Variants in ACAN observed in about 807,000 individuals in gnomAD.
ACAN encodes the protein aggrecan, also known as aggrecan core protein.
ACAN carries 47 observed loss-of-function variants against 169.1 expected under a neutral mutation model. That is an observed-to-expected ratio of 0.28 (90% CI 0.22 to 0.35). ACAN has a LOEUF of 0.35. Ranked by LOEUF, ACAN falls within the 10% of genes least tolerant of loss-of-function variation. ACAN has a pLI of 1.00. For missense variants in ACAN, 2,716 were observed against 2,759.9 expected (o/e 0.98, Z 0.36); for synonymous variants, 1,115 against 1,112.2 (o/e 1.00, Z -0.05).
chr15:88,835,402 C>T (rs531505233), intron 1 of ACAN, among the ~76,000 whole-genome samples: 8 of 152,148 alleles, frequency 5.3e-5, no homozygotes, highest in African/African-American at 1.7e-4. Flanking sequence ...CACAGACACA[C>T]ACATACACAC....
At chr15:88,830,910 C>T (rs1242198193) in intron 1 of ACAN, among the ~76,000 whole-genome samples, 5 of 152,102 alleles carry the variant, frequency 3.3e-5, no homozygotes, top group African/African-American at 4.8e-5. Context: ...AGGTGATCGG[C>T]GTTTGTCAGC....
At chr15:88,853,875 A>T (rs1896989653) in intron 11 of ACAN, among the ~76,000 whole-genome samples, 3 of 144,698 alleles carry the variant, frequency 2.1e-5, no homozygotes, top group African/African-American at 5.2e-5. Context: ...CACCACTGCT[A>T]TGCTTCATGC....
chr15:88,839,910 C>G lies in ACAN; in HGVS notation c.455-102C>G. 1 of 1,409,424 alleles carries G rather than the reference C, an allele frequency of 7.1e-7. No individual in the cohort carries two copies. Among genetic ancestry groups the G allele is most frequent in the Non-Finnish European group, 9.7e-7 (1 of 1,034,716 alleles). 87.3% of individuals were successfully genotyped at this position (1,409,424 alleles called of 1,614,324 possible). A position where few individuals can be genotyped will look rare whatever the true frequency, so the allele number is the denominator to read the frequency against. On this transcript the variant is annotated intron_variant, in intron 3 of 18. Transcript: ENST00000560601. The surrounding 1 kb of genome is among the most constrained non-coding windows in gnomAD (Gnocchi z 4.5). ...GCATCAGCCCAGACCAGCCAGTTCC[C>G]TAAGGTCCCTTTGACTATTGCCATA...
chr15:88,851,373 A>G lies in ACAN; in HGVS notation c.2027-421A>G. The G allele has an allele frequency of 6.1e-6, 1 of 162,714 alleles. No homozygotes were observed. Among genetic ancestry groups the G allele is most frequent in the Non-Finnish European group, 1.3e-5 (1 of 74,738 alleles). The allele number at this position is 162,714 out of a possible 1,614,324, so 10.1% of individuals were successfully genotyped here. ...AGTTGAGAGCGTGGAGTCTGGTACCAGATGCTTAAATTCAAAGACTAGATC... is the reference window on the plus strand; with the variant it reads ...AGTTGAGAGCGTGGAGTCTGGTACCGGATGCTTAAATTCAAAGACTAGATC... On this transcript the variant is annotated intron_variant, in intron 10 of 18. Coordinates refer to ENST00000560601, the MANE Select transcript of ACAN (RefSeq NM_001369268.1). The surrounding 1 kb of genome is among the most constrained non-coding windows in gnomAD (Gnocchi z 4.3).
intron 9 of ACAN, among the ~76,000 whole-genome samples, chr15:88,848,897 G>A (rs1896859532): frequency 6.6e-6 from 1 of 152,234 alleles, no homozygotes; most frequent in Admixed American, 6.5e-5. Flanking sequence ...ACAAGTAGGT[G>A]TTCAGTAAGT....
intron 6 of ACAN, among the ~76,000 whole-genome samples, chr15:88,844,024 G>A (rs904010497): frequency 6.6e-6 from 1 of 152,214 alleles, no homozygotes; most frequent in Non-Finnish European, 1.5e-5. Flanking sequence ...CGCCTGCAAA[G>A]ACGTTGGGGG....
Position 88,843,641 on chromosome 15 carries a change from C to T in ACAN, c.1044C>T (p.Cys348=), listed in dbSNP as rs759457761. The T allele has an allele frequency of 1.2e-5, 19 of 1,576,084 alleles. No individual in the cohort carries two copies. Among genetic ancestry groups the T allele is most frequent in the Non-Finnish European group, 1.6e-5 (19 of 1,153,570 alleles). The change falls in exon 6 of 19, where the codon TGC becomes TGT. Residue 348 remains cysteine (C), a synonymous_variant. Transcript: ENST00000560601. The surrounding 1 kb of genome is among the most constrained non-coding windows in gnomAD (Gnocchi z 4.0). ...CCTCATCCCGCTACGACGCCATCTG[C>T]TACACAGGTGGGGCACGGCTGGTGG... ...PDPSSRYDAI[C]YTGEDFVDIP...
At chr15:88,823,173 G>A (rs1267652749) in intron 1 of ACAN, among the ~76,000 whole-genome samples, 2 of 152,200 alleles carry the variant, frequency 1.3e-5, no homozygotes, top group Admixed American at 6.5e-5. Context: ...TGTCCTGCAG[G>A]GTTGGCAGTC....
intron 4 of ACAN, among the ~76,000 whole-genome samples, chr15:88,841,021 T>C (rs1201999442): frequency 1.3e-5 from 2 of 152,188 alleles, no homozygotes. Flanking sequence ...GGTGGGCTCC[T>C]GTAGTCCCAG....
chr15:88,845,669 G>A lies in ACAN; in HGVS notation c.1216G>A (p.Glu406Lys), dbSNP rs774443075. 4.6e-5 allele frequency: 75 copies of A among 1,614,034 alleles called. No homozygotes were observed. In the East Asian group the frequency reaches 1.3e-3, roughly 27 times the overall value. ...GATCCTTACCGTAAAGCCCATCTTC[G>A]AGGTCTCCCCCAGTCCCCTGGAACC... ...SVILTVKPIF[E>K]VSPSPLEPEE... is the part of the protein sequence containing the mutation. Residue 406 changes from glutamate (E) to lysine (K), a missense_variant, in exon 7 of 19, where the codon GAG (glutamate) becomes AAG (lysine). Glu to Lys is a moderately conservative substitution (Grantham distance 56, BLOSUM62 1). This residue lies in a region of ACAN where 1,283 missense variants were observed against 1,281.5 expected (regional missense o/e 1.00). Transcript: ENST00000560601.
chr15:88,809,381 C>G (rs1398967494), intron 1 of ACAN, among the ~76,000 whole-genome samples: 1 of 152,124 alleles, frequency 6.6e-6, no homozygotes, highest in African/African-American at 2.4e-5. Context: ...GCCTCAGGTT[C>G]TTTATTTATA....
intron 1 of ACAN, among the ~76,000 whole-genome samples, chr15:88,817,218 T>G (rs953700987): frequency 1.3e-5 from 2 of 152,216 alleles, no homozygotes; most frequent in Non-Finnish European, 2.9e-5. Context: ...CTTGGCTCGC[T>G]GCAACCTCTG....
In ACAN at chr15:88,859,024, C is replaced by G; in HGVS notation, c.6439C>G (p.Leu2147Val). The G allele has an allele frequency of 1.2e-6, 2 of 1,613,954 alleles. No individual in the cohort carries two copies. The highest frequency in any genetic ancestry group is 1.7e-6 in the Non-Finnish European group (2 of 1,179,896). ...AGCTAACCTTGAGAGATCCTCTGGC[C>G]TAGGAGTGAGCGGCAGCACTTTGAC... ...HEANLERSSG[L>V]GVSGSTLTFQ... The change falls in exon 12 of 19, where the codon CTA (leucine) becomes GTA (valine). Residue 2147 changes from leucine (L) to valine (V), a missense_variant. This residue lies in a region of ACAN where 1,389 missense variants were observed against 1,363.7 expected (regional missense o/e 1.02). Transcript: ENST00000560601.
Position 88,872,217 on chromosome 15 carries a change from A to G in ACAN, c.7302+132A>G. On this transcript the variant is annotated intron_variant, in intron 16 of 18. Transcript: ENST00000560601. This position sits in a 1 kb window ranked among gnomAD's most constrained non-coding sequence, Gnocchi z 5.4. ...TGCTGGACCGGGAACCCTTGAGGGC[A>G]GGGATTATCTCCTTCATCTCTGCCT... 1 of 749,416 alleles carries G rather than the reference A, an allele frequency of 1.3e-6. No individual in the cohort carries two copies. The highest frequency in any genetic ancestry group is 1.7e-5 in the South Asian group (1 of 60,128). The allele number at this position is 749,416 out of a possible 1,614,324, so 46.4% of individuals were successfully genotyped here. A position where few individuals can be genotyped will look rare whatever the true frequency, so the allele number is the denominator to read the frequency against.
At chr15:88,834,353 G>A (rs1022306024) in intron 1 of ACAN, among the ~76,000 whole-genome samples, 6 of 152,174 alleles carry the variant, frequency 3.9e-5, no homozygotes, top group South Asian at 2.1e-4. Flanking sequence ...AGGGTCACTC[G>A]GAGTCCTGGG....
In ACAN at chr15:88,859,067, C is replaced by T. The variant is rs764318576; in HGVS notation, c.6482C>T (p.Ala2161Val). The T allele has an allele frequency of 1.1e-5, 18 of 1,613,810 alleles. No homozygotes were observed. The highest frequency in any genetic ancestry group is 6.7e-5 in the Admixed American group (4 of 60,004). ...ACTTTGACATTTCAAGAAGGCGAGG[C>T]GTCCGCTGCCCCAGAAGTGAGTGGA... ...GSTLTFQEGEASAAPEVSGES... is the reference protein window; with the variant it reads ...GSTLTFQEGEVSAAPEVSGES... Residue 2161 changes from alanine to valine, a missense_variant, in exon 12 of 19, where the codon GCG becomes GTG. Ala to Val is a moderately conservative substitution (Grantham distance 64, BLOSUM62 0). Around this residue, in one of 3 missense-constraint regions of ACAN, gnomAD observed 1,389 missense variants for 1,363.7 expected, o/e 1.02. Transcript: ENST00000560601.
rs567598574 is a variant in ACAN at position 88,857,349 on chromosome 15, G to A, written c.4764G>A (p.Gly1588=). 11 of 1,613,970 alleles carry A rather than the reference G, an allele frequency of 6.8e-6. No homozygotes were observed. The East Asian group carries it at 2.2e-4, about 33-fold the overall frequency. ...TSASGAEDLS[G]LPSGKEDLVG... is the part of the protein sequence containing the mutation. The stretch of plus-strand genomic sequence containing the variant: ...CTTCTGGAGCTGAGGACCTCAGTGG[G>A]TTGCCTTCTGGAAAAGAAGACTTGG... The change falls in exon 12 of 19, where the codon GGG becomes GGA. Residue 1588 remains glycine, a synonymous_variant. Coordinates refer to ENST00000560601, the MANE Select transcript of ACAN (RefSeq NM_001369268.1).
intron 1 of ACAN, among the ~76,000 whole-genome samples, chr15:88,805,215 G>T (rs1227445678): frequency 6.6e-6 from 1 of 152,146 alleles, no homozygotes; most frequent in African/African-American, 2.4e-5. Flanking sequence ...GGCAAGGTGG[G>T]TTTGGAGGCA....
chr15:88,831,408 C>T (rs1896360084), intron 1 of ACAN, among the ~76,000 whole-genome samples: 1 of 152,356 alleles, frequency 6.6e-6, no homozygotes, highest in Non-Finnish European at 1.5e-5. Flanking sequence ...TGGCTGGGCA[C>T]CACCTAGGTG....
Sources: gnomAD v4.1 joint callset for allele counts (sites outside exome capture counted in the v4.1 genomes callset) on GRCh38, gnomAD v4.1.1 for gene constraint, gnomAD v4.1.1 regional missense constraint, Gnocchi (gnomAD v3.1) non-coding constraint, MANE v1.5 for transcripts, NCBI Gene and HGNC (gene_info 2026-07-23, HGNC 2026-07-21) for gene names.